Variants in USP25 observed in about 807,000 individuals in gnomAD.
USP25 encodes the protein ubiquitin carboxyl-terminal hydrolase 25.
USP25 carries 85 observed loss-of-function variants against 158.5 expected under a neutral mutation model. The observed-to-expected ratio is 0.54, with a 90% CI of 0.45 to 0.64. USP25 has a LOEUF of 0.64. Among genes scored for constraint, USP25 ranks in the 30% least tolerant of loss-of-function variants. The probability of loss-of-function intolerance (pLI) is 0.00; values close to 1 mark genes in which losing one functional copy is unlikely to be tolerated. For synonymous variants in USP25, 464 were observed against 460.4 expected, an observed-to-expected ratio of 1.01 and a Z score of -0.10; for missense variants, 1,242 against 1,327.3, an observed-to-expected ratio of 0.94 and a Z score of 1.00.
intron 3 of USP25, among the ~76,000 whole-genome samples, chr21:15,770,860 A>C (rs550968170): frequency 5.9e-5 from 9 of 152,350 alleles, no homozygotes; most frequent in African/African-American, 2.2e-4. Context: ...GAACATCTGA[A>C]GGAAGCTGAA....
chr21:15,734,339 C>G (rs1355826092), intron 1 of USP25, among the ~76,000 whole-genome samples: 4 of 152,152 alleles, frequency 2.6e-5, no homozygotes, highest in Non-Finnish European at 5.9e-5. Flanking sequence ...TAAAACTATA[C>G]CATGCAGCAT....
At chr21:15,753,610 T>C (rs1317304802) in intron 1 of USP25, among the ~76,000 whole-genome samples, 3 of 152,262 alleles carry the variant, frequency 2.0e-5, no homozygotes, top group East Asian at 3.9e-4. Flanking sequence ...GCCTGACTTA[T>C]GTCATTTAGA....
At chr21:15,739,107 T>A (rs2031799100) in intron 1 of USP25, among the ~76,000 whole-genome samples, 1 of 152,160 alleles carries the variant, frequency 6.6e-6, no homozygotes, top group African/African-American at 2.4e-5. Flanking sequence ...TCTGAGGAGT[T>A]TTGTCTGCGG....
At chr21:15,773,482 T>C (rs2034472522) in intron 3 of USP25, among the ~76,000 whole-genome samples, 1 of 152,168 alleles carries the variant, frequency 6.6e-6, no homozygotes, top group South Asian at 2.1e-4. Context: ...GGTTTTTTTT[T>C]TTCCTCCCAG....
Position 15,847,760 on chromosome 21 carries a change from G to A in USP25, c.2435G>A (p.Gly812Glu), listed in dbSNP as rs963423241. ...AAATTTATGATTGAATCAAAGGAGGGGGGGTATGATGACGAGGTACCTTTT... is the reference window on the plus strand; with the variant it reads ...AAATTTATGATTGAATCAAAGGAGGAGGGGTATGATGACGAGGTACCTTTT... ...VGKFMIESKE[G>E]GYDDEIMMTP... Residue 812 changes from glycine to glutamate, a missense_variant, in exon 19 of 26, where the codon GGG becomes GAG. This residue lies in a region of USP25 where 608 missense variants were observed against 605.2 expected (regional missense o/e 1.00). Transcript: ENST00000400183. 3.2e-6 allele frequency: 5 copies of A among 1,549,266 alleles called. No individual in the cohort carries two copies. Among genetic ancestry groups the A allele is most frequent in the African/African-American group, 2.7e-5 (2 of 72,948 alleles).
chr21:15,744,562 T>A (rs1048472823), intron 1 of USP25, among the ~76,000 whole-genome samples: 2 of 150,468 alleles, frequency 1.3e-5, no homozygotes, highest in Non-Finnish European at 2.9e-5. Context: ...GATCTTCCTG[T>A]CTCGGCCTCC....
At chr21:15,796,180 G>C (rs895352989) in intron 5 of USP25, among the ~76,000 whole-genome samples, 5 of 151,494 alleles carry the variant, frequency 3.3e-5, no homozygotes, top group African/African-American at 9.7e-5. Context: ...TACCTCTTTT[G>C]AAGGAATACA....
intron 1 of USP25, among the ~76,000 whole-genome samples, chr21:15,746,900 C>T (rs2032603589): frequency 6.6e-6 from 1 of 152,108 alleles, no homozygotes; most frequent in African/African-American, 2.4e-5. Flanking sequence ...ACATCTTTGT[C>T]TTGTTCCCGA....
intron 14 of USP25, among the ~76,000 whole-genome samples, 165 bp downstream of exon 14, chr21:15,827,368 A>G (rs1371304569): frequency 1.3e-5 from 2 of 152,146 alleles, no homozygotes; most frequent in African/African-American, 4.8e-5. Flanking sequence ...CATTTTTATA[A>G]TCTCAATATC....
intron 1 of USP25, among the ~76,000 whole-genome samples, chr21:15,737,581 T>C (rs1041565758): frequency 2.0e-5 from 3 of 148,864 alleles, no homozygotes; most frequent in Non-Finnish European, 4.6e-5. Context: ...GCTGAAGGTA[T>C]TTTTTTTAAT....
At chr21:15,827,496 C>T (rs2037570067) in intron 14 of USP25, among the ~76,000 whole-genome samples, 1 of 152,142 alleles carries the variant, frequency 6.6e-6, no homozygotes, top group Non-Finnish European at 1.5e-5. Flanking sequence ...TTCACAGTTA[C>T]TCCATTGGAG....
At chr21:15,806,441 T>C (rs1010409179) in intron 7 of USP25, among the ~76,000 whole-genome samples, 1 of 132,592 alleles carries the variant, frequency 7.5e-6, no homozygotes, top group African/African-American at 2.8e-5. Context: ...TTTTTTTTTT[T>C]CTTTCTTTTC....
chr21:15,857,532 T>G (rs2039213128), intron 20 of USP25, among the ~76,000 whole-genome samples: 1 of 152,188 alleles, frequency 6.6e-6, no homozygotes, highest in Non-Finnish European at 1.5e-5. Flanking sequence ...TTTTCATAAA[T>G]ATTTTGGCAA....
At chr21:15,800,986 A>C (rs1438821128) in intron 6 of USP25, among the ~76,000 whole-genome samples, 1 of 151,492 alleles carries the variant, frequency 6.6e-6, no homozygotes, top group Non-Finnish European at 1.5e-5. Flanking sequence ...ATGTCTCCAG[A>C]AAAATTAAGG....
chr21:15,804,411 A>G (rs913405753), intron 6 of USP25, among the ~76,000 whole-genome samples: 1 of 151,400 alleles, frequency 6.6e-6, no homozygotes, highest in East Asian at 1.9e-4. Context: ...TTGTGATTGA[A>G]TTATATTAAA....
chr21:15,834,105 G>A (rs2037942886), intron 17 of USP25, among the ~76,000 whole-genome samples: 1 of 152,140 alleles, frequency 6.6e-6, no homozygotes, highest in South Asian at 2.1e-4. Context: ...TAAAAAGTAA[G>A]TGTATAGACC....
chr21:15,731,289 T>G (rs888334090), intron 1 of USP25, among the ~76,000 whole-genome samples: 5 of 152,200 alleles, frequency 3.3e-5, no homozygotes, highest in African/African-American at 1.2e-4. Context: ...ATGATTTAAC[T>G]TCTTTTTTTA....
intron 5 of USP25, among the ~76,000 whole-genome samples, chr21:15,798,971 G>A (rs1423941310): frequency 6.6e-6 from 1 of 151,182 alleles, no homozygotes; most frequent in African/African-American, 2.4e-5. Flanking sequence ...TGTGACCCAA[G>A]AAAGGAATAT....
chr21:15,846,856 T>G (rs368232384), intron 18 of USP25, among the ~76,000 whole-genome samples: 1 of 152,170 alleles, frequency 6.6e-6, no homozygotes, highest in South Asian at 2.1e-4. Context: ...CATGAAGTTT[T>G]GAATGAAATT....
Sources: allele counts gnomAD v4.1 joint callset (sites outside exome capture counted in the v4.1 genomes callset), GRCh38; gene constraint gnomAD v4.1.1; regional missense constraint gnomAD v4.1.1; transcripts MANE v1.5; gene names NCBI Gene and HGNC (gene_info 2026-07-23, HGNC 2026-07-21).